RGSL1: variants seen among roughly 807,000 people sequenced by gnomAD.
RGSL1 encodes regulator of G protein signaling protein-like.
RGSL1 carries 97 observed loss-of-function variants against 124.7 expected under a neutral mutation model. The ratio of observed to expected loss-of-function variants is 0.78; its 90% CI spans 0.66 to 0.92. The LOEUF (loss-of-function observed/expected upper bound fraction) is 0.92. RGSL1 is among the 40% of genes least tolerant of loss of function. The probability of loss-of-function intolerance (pLI) is 0.00; values close to 1 mark genes in which losing one functional copy is unlikely to be tolerated. For synonymous variants in RGSL1, 424 were observed against 438.1 expected, an observed-to-expected ratio of 0.97 and a Z score of 0.40; for missense variants, 1,233 against 1,288.4, an observed-to-expected ratio of 0.96 and a Z score of 0.66.
chr1:182,534,486 T>C lies in RGSL1; in HGVS notation c.2494+1695T>C, dbSNP rs1210409236. 7.9e-5 allele frequency among the ~76,000 whole-genome samples: 12 copies of C among 152,224 alleles called. No individual in the cohort carries two copies. In the East Asian group the frequency reaches 2.3e-3, roughly 29 times the overall value. On this transcript the variant is annotated intron_variant, in intron 14 of 21. Coordinates refer to ENST00000294854, the MANE Select transcript of RGSL1 (RefSeq NM_001137669.2). ...TTTATTTTAATTTGAAAAAAGTTTG[T>C]ATTATCTTTTATGAACTGTTTCACA...
At position 182,460,097 on chromosome 1, in the gene RGSL1, C is replaced by T; in HGVS notation, c.265C>T (p.Gln89Ter). ...TNLCFHYILCQEFISFIKSPE... is the reference protein window; with the variant it reads ...TNLCFHYILC ...CTTGTGTTTCCATTACATTCTCTGTCAGGAGTTCATCAGTTTCATTAAGTC... is the reference window on the plus strand; with the variant it reads ...CTTGTGTTTCCATTACATTCTCTGTTAGGAGTTCATCAGTTTCATTAAGTC... The change falls in exon 4 of 22, where the codon CAG becomes TAG. Residue 89 changes from glutamine (Q) to a stop codon, truncating the protein, a stop_gained. Transcript: ENST00000294854. LOFTEE classifies it high-confidence loss of function. 6.4e-7 allele frequency: 1 copy of T among 1,551,508 alleles called. No homozygotes were observed. The highest frequency in any genetic ancestry group is 8.7e-7 in the Non-Finnish European group (1 of 1,146,956).
At chr1:182,534,115 A>G (rs1659379291) in intron 14 of RGSL1, among the ~76,000 whole-genome samples, 1 of 152,220 alleles carries the variant, frequency 6.6e-6, no homozygotes, top group South Asian at 2.1e-4. Flanking sequence ...ATGCTGCAAA[A>G]GATACATATT....
At chr1:182,536,070 C>G (rs1659515352) in intron 14 of RGSL1, among the ~76,000 whole-genome samples, 3 of 152,140 alleles carry the variant, frequency 2.0e-5, no homozygotes, top group Admixed American at 2.0e-4. Flanking sequence ...TCTTTTGTGA[C>G]CAGCTTCTTT....
intron 4 of RGSL1, among the ~76,000 whole-genome samples, chr1:182,462,304 G>C (rs191892833): frequency 2.0e-5 from 3 of 152,118 alleles, no homozygotes; most frequent in African/African-American, 7.2e-5. Context: ...GATATTCCCA[G>C]ATAAACAAAA....
At position 182,530,353 on chromosome 1, in the gene RGSL1, A is replaced by G; in HGVS notation, c.2235A>G (p.Glu745=). 6.5e-7 allele frequency: 1 copy of G among 1,549,984 alleles called. No individual in the cohort carries two copies. The highest frequency in any genetic ancestry group is 8.7e-7 in the Non-Finnish European group (1 of 1,145,820). ...AGGGACATGTTATGAAATCTATAGA[A>G]GAAAAGTGGTGAGTATACTCAATTA... ...TLQGHVMKSI[E]EKWFKDYQDL... is the part of the protein sequence containing the mutation. The change falls in exon 12 of 22, where the codon GAA becomes GAG. Residue 745 remains glutamate, a synonymous_variant. Transcript: ENST00000294854.
intron 14 of RGSL1, 113 bp downstream of exon 14, chr1:182,532,904 CA>C (rs1353981918): frequency 1.0e-5 from 12 of 1,153,936 alleles, no homozygotes; most frequent in Middle Eastern, 2.1e-4. Flanking sequence ...TGGAGTCTAG[CA>C]AAAAAACCCA....
intron 9 of RGSL1, 88 bp downstream of exon 9, chr1:182,493,217 A>G (rs1166649586): frequency 9.8e-6 from 9 of 921,798 alleles, no homozygotes; most frequent in Admixed American, 4.6e-5. Context: ...TTTAAGGAAC[A>G]TAAGCCAAAA....
At chr1:182,496,404 T>C (rs939261780) in intron 9 of RGSL1, among the ~76,000 whole-genome samples, 3 of 152,190 alleles carry the variant, frequency 2.0e-5, no homozygotes. Flanking sequence ...GGTCTGTCTG[T>C]ATGCTCACTT....
chr1:182,485,060 G>C (rs1038259261), intron 6 of RGSL1, among the ~76,000 whole-genome samples: 3 of 152,148 alleles, frequency 2.0e-5, no homozygotes, highest in Non-Finnish European at 4.4e-5. Context: ...ATAGCTGTGT[G>C]GCCATTAGGC....
intron 9 of RGSL1, among the ~76,000 whole-genome samples, chr1:182,503,211 G>T (rs1656533819): frequency 6.6e-6 from 1 of 152,156 alleles, no homozygotes. Context: ...TCCCATGTTT[G>T]TTGCAGCACT....
chr1:182,558,017 A>T (rs754479008), intron 21 of RGSL1, among the ~76,000 whole-genome samples: 9 of 152,110 alleles, frequency 5.9e-5, no homozygotes, highest in Non-Finnish European at 1.0e-4. Context: ...CAAGCCAGCC[A>T]ACCTGGTGTT....
At chr1:182,499,842 G>A (rs564109160) in intron 9 of RGSL1, among the ~76,000 whole-genome samples, 14 of 152,028 alleles carry the variant, frequency 9.2e-5, no homozygotes, top group Non-Finnish European at 2.1e-4. Flanking sequence ...CTCCCTTAAG[G>A]ACCTCTTGTA....
At chr1:182,518,219 AGAT>A (rs1217848005) in intron 9 of RGSL1, among the ~76,000 whole-genome samples, 1 of 152,066 alleles carries the variant, frequency 6.6e-6, no homozygotes, top group Admixed American at 6.6e-5. Flanking sequence ...TTTTTAATAG[AGAT>A]GATGTCTCAC....
In RGSL1 at chr1:182,473,917, A is replaced by G; in HGVS notation, c.806A>G (p.Asp269Gly). The change falls in exon 6 of 22, where the codon GAT becomes GGT. Residue 269 changes from aspartate (D) to glycine (G), a missense_variant. Transcript: ENST00000294854. ...VDPDSWSLEM[D>G]LKPDAIGMPL... ...CCTGACTCTTGGTCTCTGGAAATGGATCTCAAGCCAGATGCTATTGGTATG... is the reference window on the plus strand; with the variant it reads ...CCTGACTCTTGGTCTCTGGAAATGGGTCTCAAGCCAGATGCTATTGGTATG... The G allele has an allele frequency of 6.4e-7, 1 of 1,552,018 alleles. No homozygotes were observed.
intron 8 of RGSL1, 76 bp from the exon 9 acceptor site, chr1:182,492,946 T>C: frequency 9.7e-7 from 1 of 1,028,446 alleles, no homozygotes; most frequent in Non-Finnish European, 1.5e-6. Flanking sequence ...GGCAATACCT[T>C]CAACAAAAGT....
intron 15 of RGSL1, among the ~76,000 whole-genome samples, chr1:182,543,534 G>A (rs532192007): frequency 6.6e-6 from 1 of 152,042 alleles, no homozygotes; most frequent in East Asian, 1.9e-4. Context: ...TCCTTCTCTA[G>A]TTTTGGTATT....
At chr1:182,494,543 A>G (rs1285712718) in intron 9 of RGSL1, among the ~76,000 whole-genome samples, 1 of 152,200 alleles carries the variant, frequency 6.6e-6, no homozygotes, top group Non-Finnish European at 1.5e-5. Context: ...CGTGGCTCAC[A>G]TTATATTTTT....
At chr1:182,488,627 G>A (rs2102091622) in intron 7 of RGSL1, 1 of 384,316 alleles carries the variant, frequency 2.6e-6, no homozygotes, top group African/African-American at 2.1e-5. Flanking sequence ...TTGGGAGGCT[G>A]AGGCAGGAGA....
At chr1:182,544,734 T>A (rs1252275154) in intron 15 of RGSL1, among the ~76,000 whole-genome samples, 1 of 152,156 alleles carries the variant, frequency 6.6e-6, no homozygotes, top group African/African-American at 2.4e-5. Flanking sequence ...GACCCCTTTG[T>A]CATTATATAA....
Sources: gnomAD v4.1 joint callset for allele counts (sites outside exome capture counted in the v4.1 genomes callset) on GRCh38, gnomAD v4.1.1 for gene constraint, MANE v1.5 for transcripts, NCBI Gene and HGNC (gene_info 2026-07-23, HGNC 2026-07-21) for gene names.